Variants in OR1L8 observed in about 807,000 individuals in gnomAD.
OR1L8 encodes olfactory receptor 1L8.
For missense variants in OR1L8, 330 were observed against 377.4 expected, an observed-to-expected ratio of 0.87 and a Z score of 1.04; for synonymous variants, 148 against 147.0, an observed-to-expected ratio of 1.01 and a Z score of -0.05.
Position 122,581,396 on chromosome 9 carries a change from A to G in OR1L8, c.-600+1925T>C, listed in dbSNP as rs140633209. On this transcript the variant is annotated intron_variant, in intron 1 of 4. Transcript: ENST00000641027. The stretch of plus-strand genomic sequence containing the variant: ...AAACAAAAAAAAAGTGACAAATATT[A>G]TATTATGATCATCAGTCAAAGCAAT... 7.5e-4 allele frequency among the ~76,000 whole-genome samples: 114 copies of G among 152,140 alleles called. 1 individual carries two copies. The East Asian group carries it at 0.02, about 27-fold the overall frequency.
intron 4 of OR1L8, among the ~76,000 whole-genome samples, chr9:122,572,133 C>G (rs920755471): frequency 2.6e-5 from 4 of 152,138 alleles, no homozygotes; most frequent in African/African-American, 9.7e-5. Flanking sequence ...AAAACTCACT[C>G]ACTAACATGA....
chr9:122,566,815 T>C (rs943749802), downstream of OR1L8, among the ~76,000 whole-genome samples: 6 of 152,332 alleles, frequency 3.9e-5, no homozygotes, highest in East Asian at 9.6e-4. Flanking sequence ...TCACACATTT[T>C]AAACACATAG....
downstream of OR1L8, among the ~76,000 whole-genome samples, chr9:122,563,612 T>A (rs1829385995): frequency 6.6e-6 from 1 of 152,248 alleles, no homozygotes; most frequent in African/African-American, 2.4e-5. Context: ...TGCAATTTAG[T>A]TTTATGTAAA....
At chr9:122,552,535 A>G in the OR1L8 span, among the ~76,000 whole-genome samples, 49,193 of 151,436 alleles carry the variant, frequency 0.32, 8,939 homozygotes, top group East Asian at 0.53. Context: ...TCCTATTTGT[A>G]TGCGTGTGTG....
the OR1L8 span, among the ~76,000 whole-genome samples, chr9:122,552,041 A>T: frequency 2.0e-4 from 29 of 147,220 alleles, no homozygotes; most frequent in East Asian, 3.7e-3. Context: ...ACACATACAC[A>T]CACACACACA....
At chr9:122,551,837 C>A in the OR1L8 span, among the ~76,000 whole-genome samples, 1 of 152,048 alleles carries the variant, frequency 6.6e-6, no homozygotes, top group Non-Finnish European at 1.5e-5. Context: ...CCCGGGGAAG[C>A]TGAAATCGAG....
the OR1L8 span, among the ~76,000 whole-genome samples, chr9:122,556,692 A>T: frequency 6.6e-6 from 1 of 152,178 alleles, no homozygotes; most frequent in East Asian, 1.9e-4. Flanking sequence ...AAAGAAAAAA[A>T]AAGTAAGTAG....
intron 2 of OR1L8, among the ~76,000 whole-genome samples, chr9:122,577,508 C>A (rs1829678073): frequency 6.6e-6 from 1 of 152,038 alleles, no homozygotes; most frequent in Non-Finnish European, 1.5e-5. Flanking sequence ...AGGCAATTCA[C>A]AAAAGAATAC....
In OR1L8 at chr9:122,572,579, GT is replaced by G. The variant is rs76223207; in HGVS notation, c.-213+200del. ...TTTTGTTTTTTTGGTTTTGGGTTTG[GT>G]TTTTTTTTTTCTACTAATAGGGTTT... On this transcript the variant is annotated intron_variant, in intron 4 of 4. Coordinates refer to ENST00000641027, the MANE Select transcript of OR1L8 (RefSeq NM_001004454.2). Among the ~76,000 whole-genome samples, 1,151 of 148,018 alleles carry G rather than the reference GT, an allele frequency of 7.8e-3. 9 individuals are homozygous for G. The highest frequency in any genetic ancestry group is 0.026 in the African/African-American group (1,068 of 40,514).
chr9:122,560,363 C>T, the OR1L8 span, among the ~76,000 whole-genome samples: 15 of 152,138 alleles, frequency 9.9e-5, no homozygotes, highest in African/African-American at 3.1e-4. Flanking sequence ...GAATTTGATC[C>T]TGTCATCATG....
Position 122,568,655 on chromosome 9 carries a change from A to G in OR1L8, c.-178T>C. ...TCCTTGATGGGGTCCTCCCTTCCCA[A>G]ATCTATGGGCTCCATAAGGGCATTA... On this transcript the variant is annotated 5_prime_UTR_variant, in exon 5 of 5. Transcript: ENST00000641027. 3 of 531,970 alleles carry G rather than the reference A, an allele frequency of 5.6e-6. No individual in the cohort carries two copies. The East Asian group carries it at 9.0e-5, about 16-fold the overall frequency. The allele number at this position is 531,970 out of a possible 1,614,324, so 33.0% of individuals were successfully genotyped here. A position where few individuals can be genotyped will look rare whatever the true frequency, so the allele number is the denominator to read the frequency against.
At chr9:122,569,552 A>G (rs962725866) in intron 4 of OR1L8, among the ~76,000 whole-genome samples, 2 of 75,602 alleles carry the variant, frequency 2.6e-5, no homozygotes, top group East Asian at 4.0e-3. Context: ...GGCATATTAC[A>G]TAGAGATTTT....
At chr9:122,549,849 T>C in the OR1L8 span, among the ~76,000 whole-genome samples, 1 of 152,168 alleles carries the variant, frequency 6.6e-6, no homozygotes, top group Middle Eastern at 3.2e-3. Flanking sequence ...TTTGTGATCT[T>C]TTTTGGTTCC....
At chr9:122,577,410 C>T (rs10119609) in intron 2 of OR1L8, among the ~76,000 whole-genome samples, 16,762 of 152,052 alleles carry the variant, frequency 0.11, 1,177 homozygotes, top group East Asian at 0.27. Context: ...ATACAAAAAT[C>T]GTTGGGATAG....
At chr9:122,559,979 T>C in the OR1L8 span, among the ~76,000 whole-genome samples, 2 of 152,196 alleles carry the variant, frequency 1.3e-5, no homozygotes, top group Non-Finnish European at 2.9e-5. Context: ...TCTTTGTAGG[T>C]CTCTAAGAAC....
At chr9:122,575,455 A>G (rs1231022283) in intron 3 of OR1L8, among the ~76,000 whole-genome samples, 3 of 152,140 alleles carry the variant, frequency 2.0e-5, no homozygotes, top group Non-Finnish European at 4.4e-5. Context: ...GAATTTGTCC[A>G]TTCATTTAGG....
the OR1L8 span, among the ~76,000 whole-genome samples, chr9:122,551,024 G>A: frequency 2.3e-3 from 349 of 149,292 alleles, no homozygotes; most frequent in Admixed American, 7.2e-3. Flanking sequence ...GATTCCTCCA[G>A]AAGACTCCTA....
At chr9:122,555,679 C>A in the OR1L8 span, among the ~76,000 whole-genome samples, 1 of 152,166 alleles carries the variant, frequency 6.6e-6, no homozygotes, top group South Asian at 2.1e-4. Flanking sequence ...GTAGGGCAGG[C>A]TGGAAACTCA....
chr9:122,553,487 T>G, the OR1L8 span: 1 of 1,614,030 alleles, frequency 6.2e-7, no homozygotes, highest in Non-Finnish European at 8.5e-7. Context: ...ATACCCAGAG[T>G]CAGATCATCT....
Sources: allele counts gnomAD v4.1 joint callset (sites outside exome capture counted in the v4.1 genomes callset), GRCh38; gene constraint gnomAD v4.1.1; transcripts MANE v1.5; gene names NCBI Gene and HGNC (gene_info 2026-07-23, HGNC 2026-07-21).